Variants in TASP1 observed in about 807,000 individuals in gnomAD.
TASP1 encodes the protein threonine aspartase 1.
In TASP1, 16 loss-of-function variants were observed where a neutral mutation model predicts 56.6. The observed-to-expected ratio is 0.28, with a 90% CI of 0.19 to 0.43. The LOEUF (loss-of-function observed/expected upper bound fraction) is 0.43. Ranked by LOEUF, TASP1 falls within the 20% of genes least tolerant of loss-of-function variation. The probability of loss-of-function intolerance (pLI) is 1.00; values close to 1 mark genes in which losing one functional copy is unlikely to be tolerated. For synonymous variants in TASP1, 179 were observed against 184.2 expected, an observed-to-expected ratio of 0.97 and a Z score of 0.23; for missense variants, 393 against 511.6, an observed-to-expected ratio of 0.77 and a Z score of 2.24.
At chr20:13,233,623 C>G in the TASP1 span, among the ~76,000 whole-genome samples, 3 of 151,540 alleles carry the variant, frequency 2.0e-5, no homozygotes, top group African/African-American at 7.3e-5. Flanking sequence ...AAGGAGATCC[C>G]ATTAGATGTT....
the TASP1 span, among the ~76,000 whole-genome samples, chr20:13,106,553 G>C: frequency 6.6e-6 from 1 of 152,258 alleles, no homozygotes; most frequent in African/African-American, 2.4e-5. Flanking sequence ...CTGTGTGTTG[G>C]GGGATGTTGA....
intron 9 of TASP1, among the ~76,000 whole-genome samples, chr20:13,531,725 G>A (rs889810428): frequency 6.6e-6 from 1 of 152,056 alleles, no homozygotes; most frequent in African/African-American, 2.4e-5. Context: ...GTGCAGTAGC[G>A]AGATCTCAGC....
chr20:13,470,733 T>C (rs927361993), intron 11 of TASP1, among the ~76,000 whole-genome samples: 11 of 152,130 alleles, frequency 7.2e-5, no homozygotes, highest in Non-Finnish European at 1.3e-4. Flanking sequence ...GTCTAAACCA[T>C]CTAACTTGTC....
At chr20:13,322,628 C>G in the TASP1 span, among the ~76,000 whole-genome samples, 2 of 152,118 alleles carry the variant, frequency 1.3e-5, no homozygotes, top group African/African-American at 4.8e-5. Flanking sequence ...AAGAAAAGCC[C>G]AAGACCCAGG....
At chr20:13,136,155 C>T in the TASP1 span, among the ~76,000 whole-genome samples, 7 of 152,054 alleles carry the variant, frequency 4.6e-5, no homozygotes, top group Admixed American at 1.3e-4. Flanking sequence ...CCTCTCTGCC[C>T]TTAAACTGAA....
chr20:13,292,679 T>C, the TASP1 span, among the ~76,000 whole-genome samples: 1 of 152,170 alleles, frequency 6.6e-6, no homozygotes, highest in East Asian at 1.9e-4. Flanking sequence ...GTGTTCACTC[T>C]GCTCTCTATG....
At chr20:13,282,673 T>A in the TASP1 span, among the ~76,000 whole-genome samples, 1 of 152,202 alleles carries the variant, frequency 6.6e-6, no homozygotes, top group Non-Finnish European at 1.5e-5. Flanking sequence ...ATCTTCCCCA[T>A]CATTAGACTG....
At chr20:13,629,341 G>A (rs2049005132) in intron 2 of TASP1, among the ~76,000 whole-genome samples, 1 of 145,836 alleles carries the variant, frequency 6.9e-6, no homozygotes, top group Admixed American at 6.9e-5. Flanking sequence ...TCCAACCTGG[G>A]CGACAAGAGT....
intron 10 of TASP1, among the ~76,000 whole-genome samples, chr20:13,493,562 G>A (rs1600990642): frequency 6.6e-6 from 1 of 152,090 alleles, no homozygotes; most frequent in South Asian, 2.1e-4. Flanking sequence ...TTTGCTGGGG[G>A]CTCTTGGGCC....
At chr20:13,237,323 C>T in the TASP1 span, among the ~76,000 whole-genome samples, 1 of 152,180 alleles carries the variant, frequency 6.6e-6, no homozygotes, top group Non-Finnish European at 1.5e-5. Flanking sequence ...AAAATGGCCC[C>T]AACCTTGAAA....
chr20:13,206,502 AT>A, the TASP1 span, among the ~76,000 whole-genome samples: 1 of 152,324 alleles, frequency 6.6e-6, no homozygotes, highest in Admixed American at 6.5e-5. Context: ...AAATAATAAA[AT>A]AATAGATAAA....
At chr20:13,510,996 C>T (rs1188578726) in intron 10 of TASP1, among the ~76,000 whole-genome samples, 1 of 152,028 alleles carries the variant, frequency 6.6e-6, no homozygotes, top group African/African-American at 2.4e-5. Flanking sequence ...TGCTTTCCAC[C>T]CACCCACAGT....
intron 11 of TASP1, among the ~76,000 whole-genome samples, chr20:13,456,220 G>A (rs1485710106): frequency 6.6e-6 from 1 of 152,094 alleles, no homozygotes; most frequent in African/African-American, 2.4e-5. Flanking sequence ...CATTTTGCTT[G>A]CTGACTTTCT....
chr20:13,509,141 G>A (rs1478243430), intron 10 of TASP1, among the ~76,000 whole-genome samples: 1 of 151,610 alleles, frequency 6.6e-6, no homozygotes, highest in African/African-American at 2.4e-5. Flanking sequence ...GTGTGTGTGT[G>A]TGTGTGTGTG....
At position 13,587,246 on chromosome 20, in the gene TASP1, A is replaced by T; in HGVS notation, c.403+4T>A. 1 of 1,605,746 alleles carries T rather than the reference A, an allele frequency of 6.2e-7. No homozygotes were observed. The highest frequency in any genetic ancestry group is 8.5e-7 in the Non-Finnish European group (1 of 1,175,818). On this transcript the variant is annotated splice_donor_region_variant and intron_variant, in intron 5 of 13. Transcript: ENST00000337743. The stretch of plus-strand genomic sequence containing the variant: ...AAAGATAGTAGGTCATAATGCCCAC[A>T]TACCACTCAGTGCTCCAACTGCTCC...
intron 4 of TASP1, among the ~76,000 whole-genome samples, chr20:13,616,612 A>T (rs1408830502): frequency 6.6e-6 from 1 of 152,050 alleles, no homozygotes; most frequent in East Asian, 1.9e-4. Context: ...TCTAGAATGT[A>T]ATCATTGATT....
chr20:13,595,032 T>G (rs1601381746), intron 4 of TASP1, among the ~76,000 whole-genome samples: 1 of 152,098 alleles, frequency 6.6e-6, no homozygotes, highest in African/African-American at 2.4e-5. Context: ...GATTTCTTGG[T>G]GGAAACCCTA....
intron 9 of TASP1, among the ~76,000 whole-genome samples, chr20:13,533,361 G>A (rs756951978): frequency 6.6e-6 from 1 of 152,068 alleles, no homozygotes; most frequent in East Asian, 1.9e-4. Flanking sequence ...AAGCTTCCTA[G>A]ATCAAATAGA....
chr20:13,363,725 T>C, the TASP1 span, among the ~76,000 whole-genome samples: 1 of 152,168 alleles, frequency 6.6e-6, no homozygotes, highest in Non-Finnish European at 1.5e-5. Flanking sequence ...AGTGTGAGAA[T>C]TGAGTTAAAT....
Sources: gnomAD v4.1 joint callset for allele counts (sites outside exome capture counted in the v4.1 genomes callset) on GRCh38, gnomAD v4.1.1 for gene constraint, MANE v1.5 for transcripts, NCBI Gene and HGNC (gene_info 2026-07-23, HGNC 2026-07-21) for gene names.